Variants in EYA4 observed in about 807,000 individuals in gnomAD.
EYA4 encodes protein phosphatase EYA4.
EYA4 carries 31 observed loss-of-function variants against 87.9 expected under a neutral mutation model. The ratio of observed to expected loss-of-function variants is 0.35; its 90% CI spans 0.27 to 0.48. EYA4 has a LOEUF of 0.48. Ranked by LOEUF, EYA4 falls within the 20% of genes least tolerant of loss-of-function variation. EYA4 has a pLI of 0.99. For synonymous variants in EYA4, 263 were observed against 270.6 expected (o/e 0.97, Z 0.28); for missense variants, 678 against 761.4 (o/e 0.89, Z 1.29).
chr6:133,343,650 C>T (rs1010626474), intron 2 of EYA4, among the ~76,000 whole-genome samples: 11 of 148,010 alleles, frequency 7.4e-5, no homozygotes, highest in Non-Finnish European at 5.9e-5. Flanking sequence ...CCTTGATAAG[C>T]TTAACAAAGA....
intron 2 of EYA4, among the ~76,000 whole-genome samples, chr6:133,312,867 C>T (rs1360463672): frequency 1.3e-5 from 2 of 151,230 alleles, no homozygotes; most frequent in African/African-American, 4.9e-5. Flanking sequence ...CCATCTTGGG[C>T]TATATTTCAC....
chr6:133,446,562 T>A, intron 3 of EYA4, 68 bp from the exon 4 acceptor site: 1 of 1,560,650 alleles, frequency 6.4e-7, no homozygotes, highest in East Asian at 2.3e-5. Flanking sequence ...AATAGAATAA[T>A]ATTTGTAATC....
intron 2 of EYA4, among the ~76,000 whole-genome samples, chr6:133,344,359 G>A (rs988462108): frequency 1.3e-5 from 2 of 151,940 alleles, no homozygotes; most frequent in African/African-American, 4.8e-5. Context: ...AATATTTCTG[G>A]TGTCTCTTGA....
At chr6:133,310,898 A>G (rs1447933696) in intron 2 of EYA4, among the ~76,000 whole-genome samples, 1 of 152,194 alleles carries the variant, frequency 6.6e-6, no homozygotes, top group Admixed American at 6.5e-5. Flanking sequence ...TTTGTATTAG[A>G]TTTCTAGAAG....
intron 2 of EYA4, among the ~76,000 whole-genome samples, chr6:133,339,933 AG>A (rs1782658793): frequency 6.6e-6 from 1 of 152,186 alleles, no homozygotes; most frequent in South Asian, 2.1e-4. Context: ...ACGGTGGCCA[AG>A]GATGGATTAC....
At chr6:133,344,290 A>G (rs911852420) in intron 2 of EYA4, among the ~76,000 whole-genome samples, 1 of 152,240 alleles carries the variant, frequency 6.6e-6, no homozygotes, top group Non-Finnish European at 1.5e-5. Context: ...AACTAGATGT[A>G]GGACCCTGTT....
chr6:133,462,447 A>G lies in EYA4; in HGVS notation c.550A>G (p.Thr184Ala), dbSNP rs886039203. ...QPAVYTAYSQ[T>A]GQPYSLPTYD... ...AGCCGTCTACACAGCCTACTCACAGACAGGACAGCCCTACAGCTTGCCCAC... is the reference window on the plus strand; with the variant it reads ...AGCCGTCTACACAGCCTACTCACAGGCAGGACAGCCCTACAGCTTGCCCAC... Residue 184 changes from threonine to alanine, a missense_variant, in exon 8 of 20, where the codon ACA becomes GCA. Physicochemically the swap from Thr to Ala is moderately conservative, Grantham distance 58 (BLOSUM62 0). Coordinates refer to ENST00000355286, the MANE Select transcript of EYA4 (RefSeq NM_004100.5). 9 of 1,613,966 alleles carry G rather than the reference A, an allele frequency of 5.6e-6. No homozygotes were observed. The Admixed American group carries it at 8.3e-5, about 15-fold the overall frequency.
intron 2 of EYA4, among the ~76,000 whole-genome samples, chr6:133,380,782 A>G (rs1786121842): frequency 6.6e-6 from 1 of 151,962 alleles, no homozygotes; most frequent in South Asian, 2.1e-4. Flanking sequence ...CATTTTTAAA[A>G]AAGTATTTCT....
At chr6:133,313,763 G>T (rs1325666236) in intron 2 of EYA4, among the ~76,000 whole-genome samples, 1 of 152,114 alleles carries the variant, frequency 6.6e-6, no homozygotes, top group Non-Finnish European at 1.5e-5. Context: ...TTACACAGTT[G>T]TTAGAGTAGG....
At chr6:133,248,568 G>A (rs975702054) in intron 1 of EYA4, 59 of 152,210 alleles carry the variant, frequency 3.9e-4, no homozygotes, top group African/African-American at 1.4e-3. Flanking sequence ...CGAATGTTCT[G>A]ATTAAGAGAT....
intron 1 of EYA4, among the ~76,000 whole-genome samples, chr6:133,266,496 T>C (rs1776236932): frequency 6.6e-6 from 1 of 152,166 alleles, no homozygotes; most frequent in Admixed American, 6.5e-5. Context: ...TGTGGTACTT[T>C]GTTATAGGAG....
intron 2 of EYA4, among the ~76,000 whole-genome samples, chr6:133,351,544 C>G (rs564538003): frequency 2.0e-5 from 3 of 152,260 alleles, no homozygotes; most frequent in East Asian, 3.9e-4. Context: ...TGAGGATACC[C>G]CCTCCCGCAT....
chr6:133,376,427 C>CAAAACAAA (rs2128470979), intron 2 of EYA4, among the ~76,000 whole-genome samples: 1 of 151,880 alleles, frequency 6.6e-6, no homozygotes, highest in South Asian at 2.1e-4. Context: ...ATGCTCATTT[C>CAAAACAAA]AAAACAAAAT....
chr6:133,245,972 A>T (rs1774374462), intron 1 of EYA4, among the ~76,000 whole-genome samples: 1 of 152,208 alleles, frequency 6.6e-6, no homozygotes, highest in Admixed American at 6.5e-5. Flanking sequence ...TAGTAAAGAG[A>T]TACTGAAAAT....
chr6:133,245,306 C>T (rs190001489), intron 1 of EYA4: 3 of 152,242 alleles, frequency 2.0e-5, no homozygotes, highest in Admixed American at 1.3e-4. Flanking sequence ...AAGTAGGAGA[C>T]GTTTTGAATC....
intron 1 of EYA4, among the ~76,000 whole-genome samples, chr6:133,270,963 G>A (rs1013322565): frequency 1.3e-5 from 2 of 152,104 alleles, no homozygotes; most frequent in Admixed American, 1.3e-4. Context: ...TAATGGAATC[G>A]TTGTTGTCTC....
chr6:133,286,986 T>G (rs1179060775), intron 2 of EYA4, among the ~76,000 whole-genome samples: 1 of 152,152 alleles, frequency 6.6e-6, no homozygotes, highest in Non-Finnish European at 1.5e-5. Context: ...GCACCCCCCT[T>G]CCTTTGTTGT....
chr6:133,300,120 A>G (rs933701740), intron 2 of EYA4, among the ~76,000 whole-genome samples: 2 of 152,108 alleles, frequency 1.3e-5, no homozygotes, highest in African/African-American at 4.8e-5. Flanking sequence ...TAAGAAAATC[A>G]TAAGGAAGAG....
At chr6:133,414,684 C>A (rs749750466) in intron 3 of EYA4, among the ~76,000 whole-genome samples, 4 of 152,146 alleles carry the variant, frequency 2.6e-5, no homozygotes, top group Non-Finnish European at 4.4e-5. Context: ...ATAGGGCTCA[C>A]CAGATTTGTT....
Sources: allele counts gnomAD v4.1 joint callset (sites outside exome capture counted in the v4.1 genomes callset), GRCh38; gene constraint gnomAD v4.1.1; transcripts MANE v1.5; gene names NCBI Gene and HGNC (gene_info 2026-07-23, HGNC 2026-07-21).